The following MINDY4 variants were observed in gnomAD, a reference collection of about 807,000 sequenced individuals.
MINDY4 encodes the protein MINDY lysine 48 deubiquitinase 4.
In MINDY4, 68 loss-of-function variants were observed where a neutral mutation model predicts 87.0. That is an observed-to-expected ratio of 0.78 (90% confidence interval 0.64 to 0.96). The LOEUF (loss-of-function observed/expected upper bound fraction) is 0.96, where lower values mean the gene tolerates loss of function less well. Among genes scored for constraint, MINDY4 ranks in the 40% least tolerant of loss-of-function variants. The probability of loss-of-function intolerance (pLI) is 0.00; values close to 1 mark genes in which losing one functional copy is unlikely to be tolerated. For missense variants in MINDY4, 919 were observed against 928.2 expected (o/e 0.99, Z 0.13); for synonymous variants, 379 against 363.2 (o/e 1.04, Z -0.50).
Position 30,852,308 on chromosome 7 carries a change from A to C in MINDY4, c.1611+29A>C, listed in dbSNP as rs777686098. On this transcript the variant is annotated intron_variant, in intron 11 of 17. Transcript: ENST00000265299. ...CGACTTTCTGGAAAATTATCACGCA[A>C]ACTTTGGCTTTGTTTGGGGACTGTC... The C allele has an allele frequency of 7.4e-5, 120 of 1,613,826 alleles. 1 individual carries two copies. Among genetic ancestry groups the C allele is most frequent in the Middle Eastern group, 5.0e-4 (3 of 6,060 alleles).
At chr7:30,812,020 A>T (rs578067972) in intron 5 of MINDY4, among the ~76,000 whole-genome samples, 41 of 152,296 alleles carry the variant, frequency 2.7e-4, no homozygotes, top group African/African-American at 9.9e-4. Flanking sequence ...CTACTGATTT[A>T]TTATTCTTCT....
chr7:30,828,593 C>G, intron 5 of MINDY4, 86 bp from the exon 6 acceptor site: 1 of 1,349,982 alleles, frequency 7.4e-7, no homozygotes, highest in Non-Finnish European at 1.1e-6. Context: ...CTCCTGAATG[C>G]CTATCCATCG....
At position 30,840,862 on chromosome 7, in the gene MINDY4, C is replaced by G; in HGVS notation, c.1445+14C>G. The G allele has an allele frequency of 6.2e-7, 1 of 1,608,892 alleles. No homozygotes were observed. Among genetic ancestry groups the G allele is most frequent in the Non-Finnish European group, 8.5e-7 (1 of 1,176,576 alleles). ...CGACTGTGCTCAGTAAGTCAGTGCT[C>G]TTTCTGGCAATATCTTATTTTCCCA... On this transcript the variant is annotated intron_variant, in intron 9 of 17. Transcript: ENST00000265299.
intron 17 of MINDY4, among the ~76,000 whole-genome samples, chr7:30,889,062 G>A (rs1205715045): frequency 6.6e-6 from 1 of 152,170 alleles, no homozygotes; most frequent in Non-Finnish European, 1.5e-5. Flanking sequence ...AAGGGGCCTG[G>A]GGACCAGGCT....
At chr7:30,786,099 A>G in intron 4 of MINDY4, 107 bp downstream of exon 4, 5 of 1,454,440 alleles carry the variant, frequency 3.4e-6, no homozygotes, top group Non-Finnish European at 4.7e-6. Flanking sequence ...CAGTCCGAGA[A>G]GAGGGTCTGT....
intron 6 of MINDY4, among the ~76,000 whole-genome samples, chr7:30,832,209 A>G (rs111805278): frequency 0.032 from 4,947 of 152,312 alleles, 126 homozygotes; most frequent in Middle Eastern, 0.092. Flanking sequence ...GGACCCAGGC[A>G]GAGCGTGTTT....
At chr7:30,831,249 C>T (rs1788691390) in intron 6 of MINDY4, among the ~76,000 whole-genome samples, 1 of 152,122 alleles carries the variant, frequency 6.6e-6, no homozygotes, top group Admixed American at 6.5e-5. Flanking sequence ...GAATTAATTG[C>T]CTCCCTCTCT....
intron 11 of MINDY4, among the ~76,000 whole-genome samples, chr7:30,853,129 A>G (rs533887366): frequency 6.6e-6 from 1 of 152,222 alleles, no homozygotes; most frequent in South Asian, 2.1e-4. Context: ...GGGGCCACAC[A>G]GGATGCTGGA....
At chr7:30,778,691 C>A in intron 2 of MINDY4, 140 bp downstream of exon 2, 1 of 1,011,320 alleles carries the variant, frequency 9.9e-7, no homozygotes, top group Admixed American at 2.0e-5. Context: ...AAACGGACCC[C>A]CCAAATGTGG....
intron 1 of MINDY4, among the ~76,000 whole-genome samples, chr7:30,776,992 TTC>T (rs368816516): frequency 1.5e-5 from 2 of 132,906 alleles, no homozygotes; most frequent in African/African-American, 6.0e-5. Context: ...TTTCCTTTTC[TTC>T]TTTCTTTCTT....
At chr7:30,808,766 T>C (rs1278234108) in intron 5 of MINDY4, among the ~76,000 whole-genome samples, 1 of 152,098 alleles carries the variant, frequency 6.6e-6, no homozygotes, top group Non-Finnish European at 1.5e-5. Context: ...CCCAGACCAG[T>C]TCCTGTACAT....
chr7:30,787,989 A>T (rs1295794693), intron 4 of MINDY4, among the ~76,000 whole-genome samples: 2 of 152,070 alleles, frequency 1.3e-5, no homozygotes, highest in Non-Finnish European at 2.9e-5. Context: ...TGCATGTAAC[A>T]TGGTATATTT....
chr7:30,864,110 A>C (rs778487321), intron 13 of MINDY4, among the ~76,000 whole-genome samples: 23 of 152,232 alleles, frequency 1.5e-4, no homozygotes, highest in Non-Finnish European at 2.9e-4. Context: ...GGCCTTCATT[A>C]CAGCAGCAAG....
At chr7:30,819,383 G>T (rs1788255955) in intron 5 of MINDY4, among the ~76,000 whole-genome samples, 1 of 152,088 alleles carries the variant, frequency 6.6e-6, no homozygotes, top group South Asian at 2.1e-4. Flanking sequence ...CAGAAACACA[G>T]TTTGGAATTT....
At chr7:30,807,759 G>T (rs1340228575) in intron 5 of MINDY4, among the ~76,000 whole-genome samples, 1 of 152,184 alleles carries the variant, frequency 6.6e-6, no homozygotes, top group African/African-American at 2.4e-5. Context: ...GTTCTGTTCT[G>T]TTCTAATTAC....
intron 15 of MINDY4, among the ~76,000 whole-genome samples, chr7:30,880,503 C>T (rs535467407): frequency 1.3e-5 from 2 of 152,278 alleles, no homozygotes; most frequent in Admixed American, 1.3e-4. Context: ...GCACTTTTGT[C>T]TCTCCGTTGG....
intron 2 of MINDY4, chr7:30,781,701 A>G (rs1787011855): frequency 2.4e-6 from 1 of 409,902 alleles, no homozygotes; most frequent in Admixed American, 4.2e-5. Flanking sequence ...GCATGCCTCT[A>G]TTCCTATCAC....
intron 6 of MINDY4, among the ~76,000 whole-genome samples, chr7:30,831,737 T>C (rs1374364956): frequency 6.6e-6 from 1 of 152,186 alleles, no homozygotes; most frequent in Non-Finnish European, 1.5e-5. Context: ...AAAAGCTGTG[T>C]GGCCCATTCT....
intron 8 of MINDY4, among the ~76,000 whole-genome samples, chr7:30,840,403 G>T (rs1011091857): frequency 3.3e-5 from 5 of 152,206 alleles, no homozygotes; most frequent in African/African-American, 9.7e-5. Flanking sequence ...GGCCTTGAAG[G>T]CTGGGTAGAC....
Sources: allele counts gnomAD v4.1 joint callset (sites outside exome capture counted in the v4.1 genomes callset), GRCh38; gene constraint gnomAD v4.1.1; transcripts MANE v1.5; gene names NCBI Gene and HGNC (gene_info 2026-07-23, HGNC 2026-07-21).